The following LARP4B variants were observed in gnomAD, a reference collection of about 807,000 sequenced individuals.
LARP4B encodes la-related protein 4B.
LARP4B carries 12 observed loss-of-function variants against 89.8 expected under a neutral mutation model. The observed-to-expected ratio is 0.13, with a 90% CI of 0.09 to 0.22. The LOEUF (loss-of-function observed/expected upper bound fraction) is 0.22, where lower values mean the gene tolerates loss of function less well. Among genes scored for constraint, LARP4B ranks in the 10% least tolerant of loss-of-function variants. The pLI is 1.00. For missense variants in LARP4B, 757 were observed against 947.7 expected (o/e 0.80, Z 2.64); for synonymous variants, 367 against 363.3 (o/e 1.01, Z -0.12).
rs1386799307 is a variant in LARP4B, at chr10:809,742, G to A, written c.*3184C>T. 6.5e-6 allele frequency: 1 copy of A among 152,688 alleles called. No individual in the cohort carries two copies. Among genetic ancestry groups the A allele is most frequent in the African/African-American group, 2.4e-5 (1 of 41,470 alleles). 9.5% of individuals were successfully genotyped at this position (152,688 alleles called of 1,614,324 possible). ...CCGCGCTGTGAGCTGCTGGCGGCCA[G>A]CGCCCTCGCCTCGATTGTCTGCAGC... On this transcript the variant is annotated 3_prime_UTR_variant, in exon 18 of 18. Transcript: ENST00000316157.
chr10:820,968 T>A, intron 13 of LARP4B, 123 bp from the exon 14 acceptor site: 2 of 813,292 alleles, frequency 2.5e-6, no homozygotes, highest in Non-Finnish European at 3.9e-6. Context: ...TTGAAACCTT[T>A]CAAAGATGAC....
rs150170322 is a variant in LARP4B, at chr10:863,877, T to C, written c.296A>G (p.Asp99Gly). 2.5e-6 allele frequency: 4 copies of C among 1,610,288 alleles called. No homozygotes were observed. Among genetic ancestry groups the C allele is most frequent in the Non-Finnish European group, 3.4e-6 (4 of 1,179,176 alleles). ...HHADRGPQGS[D>G]ANGDGDQGHE... ...GCCCTGGTCACCATCACCATTGGCATCCGATCCTACAATTAGGAGTTTACC... is the reference window on the plus strand; with the variant it reads ...GCCCTGGTCACCATCACCATTGGCACCCGATCCTACAATTAGGAGTTTACC... Residue 99 changes from aspartate (D) to glycine (G), a missense_variant, in exon 5 of 18, where the codon GAT (aspartate) becomes GGT (glycine). Asp to Gly is a moderately conservative substitution (Grantham distance 94). This residue lies in a region of LARP4B where 175 missense variants were observed against 187.0 expected (regional missense o/e 0.94). Coordinates refer to ENST00000316157, the MANE Select transcript of LARP4B (RefSeq NM_015155.3).
Position 829,411 on chromosome 10 carries a change from T to C in LARP4B, c.1099A>G (p.Thr367Ala). The change falls in exon 11 of 18, where the codon ACG becomes GCG. Residue 367 changes from threonine (T) to alanine (A), a missense_variant. Physicochemically the swap from Thr to Ala is moderately conservative, Grantham distance 58. Coordinates refer to ENST00000316157, the MANE Select transcript of LARP4B (RefSeq NM_015155.3). ...AAGGGTGGGTCAAGATAGCTGTGCG[T>C]TGCTGACCACGTCTGGGGAGTGATC... ...SLITPQTWSA[T>A]HSYLDPPLVT... is the part of the protein sequence containing the mutation. 1.9e-6 allele frequency: 3 copies of C among 1,610,526 alleles called. No homozygotes were observed. Among genetic ancestry groups the C allele is most frequent in the East Asian group, 4.5e-5 (2 of 44,788 alleles).
chr10:868,392 A>T (rs1835025218), intron 3 of LARP4B, among the ~76,000 whole-genome samples: 1 of 151,966 alleles, frequency 6.6e-6, no homozygotes, highest in African/African-American at 2.4e-5. Flanking sequence ...AAAAAAAAAA[A>T]AAAAAGACAC....
At chr10:928,875 G>A (rs1260385033) in intron 1 of LARP4B, among the ~76,000 whole-genome samples, 2 of 146,548 alleles carry the variant, frequency 1.4e-5, no homozygotes, top group Non-Finnish European at 3.1e-5. Context: ...CACCCAGCCT[G>A]CACGTATTTT....
intron 1 of LARP4B, among the ~76,000 whole-genome samples, chr10:916,299 T>C (rs1361247594): frequency 6.6e-6 from 1 of 152,226 alleles, no homozygotes; most frequent in Non-Finnish European, 1.5e-5. Context: ...CAGACAATTA[T>C]TGTTCTACTT....
At chr10:979,336 C>A in the LARP4B span, among the ~76,000 whole-genome samples, 1 of 152,212 alleles carries the variant, frequency 6.6e-6, no homozygotes, top group Admixed American at 6.5e-5. Flanking sequence ...CTGCTCTATG[C>A]CCCTGGAAGT....
intron 14 of LARP4B, chr10:820,036 ATCT>A (rs1832263532): frequency 1.3e-5 from 2 of 149,094 alleles, no homozygotes; most frequent in Non-Finnish European, 3.0e-5. Flanking sequence ...CATCCCTCCC[ATCT>A]TCGTGGGTAC....
upstream of LARP4B, among the ~76,000 whole-genome samples, chr10:934,961 A>G (rs1830728126): frequency 6.6e-6 from 1 of 152,146 alleles, no homozygotes; most frequent in South Asian, 2.1e-4. Flanking sequence ...ATCCTCCTGC[A>G]ATGCGACCTT....
chr10:985,481 C>T, the LARP4B span: 1 of 152,196 alleles, frequency 6.6e-6, no homozygotes, highest in Non-Finnish European at 1.5e-5. Context: ...GACATTTTCC[C>T]AGGATCACAG....
rs150636731 is a variant in LARP4B at position 871,826 on chromosome 10, T to C, written c.142-7556A>G. Among the ~76,000 whole-genome samples, 540 of 152,298 alleles carry C rather than the reference T, an allele frequency of 3.5e-3. 4 individuals carry two copies. Among genetic ancestry groups the C allele is most frequent in the African/African-American group, 0.012 (485 of 41,578 alleles). ...ACTATCTGCTTTGTTAACGTCCAAG[T>C]AGAAATCATCGTTGTCTCTTAGTGG... On this transcript the variant is annotated intron_variant, in intron 3 of 17. Coordinates refer to ENST00000316157, the MANE Select transcript of LARP4B (RefSeq NM_015155.3).
chr10:822,908 G>A lies in LARP4B; in HGVS notation c.1485-2063C>T, dbSNP rs947128224. 2.0e-5 allele frequency among the ~76,000 whole-genome samples: 3 copies of A among 152,214 alleles called. No individual in the cohort carries two copies. The highest frequency in any genetic ancestry group is 4.4e-5 in the Non-Finnish European group (3 of 68,044). On this transcript the variant is annotated intron_variant, in intron 13 of 17. Coordinates refer to ENST00000316157, the MANE Select transcript of LARP4B (RefSeq NM_015155.3). This position sits in a 1 kb window ranked among gnomAD's most constrained non-coding sequence, Gnocchi z 4.6. ...GGTAGGGACATGTGTCTGGACTCTG[G>A]TAAGGGGTTCTCCAGGACATCTTAG...
chr10:954,110 G>A, the LARP4B span, among the ~76,000 whole-genome samples: 23 of 152,202 alleles, frequency 1.5e-4, no homozygotes, highest in African/African-American at 5.6e-4. The surrounding 1 kb of genome is among the most constrained non-coding windows in gnomAD (Gnocchi z 5.0). Flanking sequence ...TAGGAAGTCC[G>A]AGGCACGCAG....
chr10:809,440 C>A (rs567193044), downstream of LARP4B: 26 of 152,232 alleles, frequency 1.7e-4, no homozygotes, highest in South Asian at 5.4e-3. Flanking sequence ...TATATGAGGC[C>A]CGTGTTTCTT....
the LARP4B span, among the ~76,000 whole-genome samples, chr10:959,238 A>C: frequency 6.6e-6 from 1 of 152,130 alleles, no homozygotes; most frequent in African/African-American, 2.4e-5. Flanking sequence ...AAATATGCGT[A>C]TTCTCCCCTA....
At chr10:965,917 T>C in the LARP4B span, among the ~76,000 whole-genome samples, 1 of 152,116 alleles carries the variant, frequency 6.6e-6, no homozygotes, top group Admixed American at 6.6e-5. Context: ...CTTTGCTGTT[T>C]AGGAGAGAGA....
At chr10:859,637 C>A (rs553556850) in intron 5 of LARP4B, among the ~76,000 whole-genome samples, 5 of 152,292 alleles carry the variant, frequency 3.3e-5, no homozygotes, top group African/African-American at 1.2e-4. Context: ...AGATGTCCTT[C>A]AGTAGGTGAA....
chr10:854,205 C>G (rs902344319), intron 5 of LARP4B, among the ~76,000 whole-genome samples: 1 of 152,156 alleles, frequency 6.6e-6, no homozygotes, highest in Non-Finnish European at 1.5e-5. Context: ...TTTCTACTAC[C>G]TCTGCAGTGA....
intron 3 of LARP4B, among the ~76,000 whole-genome samples, chr10:874,111 G>A (rs1341724281): frequency 2.6e-5 from 4 of 152,138 alleles, no homozygotes; most frequent in South Asian, 2.1e-4. Flanking sequence ...GTGTGTGCCT[G>A]TAGTTCCAGC....
Sources: allele counts gnomAD v4.1 joint callset (sites outside exome capture counted in the v4.1 genomes callset), GRCh38; gene constraint gnomAD v4.1.1; regional missense constraint gnomAD v4.1.1; non-coding constraint Gnocchi (gnomAD v3.1); transcripts MANE v1.5; gene names NCBI Gene and HGNC (gene_info 2026-07-23, HGNC 2026-07-21).